Variants in NELFCD observed in about 807,000 individuals in gnomAD.
The protein encoded by NELFCD is negative elongation factor complex member C/D.
NELFCD carries 48 observed loss-of-function variants against 72.9 expected under a neutral mutation model. The ratio of observed to expected loss-of-function variants is 0.66; its 90% confidence interval spans 0.52 to 0.84. The LOEUF (loss-of-function observed/expected upper bound fraction) is 0.84, where lower values mean the gene tolerates loss of function less well. NELFCD is among the 40% of genes least tolerant of loss of function. The probability of loss-of-function intolerance (pLI) is 0.00; values close to 1 mark genes in which losing one functional copy is unlikely to be tolerated. For synonymous variants in NELFCD, 297 were observed against 280.6 expected, an observed-to-expected ratio of 1.06 and a Z score of -0.59; for missense variants, 538 against 723.8, an observed-to-expected ratio of 0.74 and a Z score of 2.94.
intron 1 of NELFCD, among the ~76,000 whole-genome samples, chr20:58,981,602 T>G (rs961660605): frequency 6.7e-6 from 1 of 149,814 alleles, no homozygotes; most frequent in African/African-American, 2.4e-5. Context: ...TGCAGGACCT[T>G]GGGGTGGGGG....
At position 58,986,164 on chromosome 20, in the gene NELFCD, C is replaced by T. The variant is rs1315337046; in HGVS notation, c.132C>T (p.Thr44=). The T allele has an allele frequency of 6.2e-7, 1 of 1,613,776 alleles. No homozygotes were observed. Among genetic ancestry groups the T allele is most frequent in the South Asian group, 1.1e-5 (1 of 91,064 alleles). Residue 44 remains threonine (T), a synonymous_variant, in exon 2 of 15, where the codon ACC becomes ACT. Transcript: ENST00000652272. This position sits in a 1 kb window ranked among gnomAD's most constrained non-coding sequence, Gnocchi z 4.4. ...VQQECLHKFS[T]RDYIMEPSIF... is the part of the protein sequence containing the mutation. Reference sequence around the variant, plus strand: ...AAGAATGCCTGCATAAATTTTCCACCCGGGATTATATCATGGAACCCTCCA... The same window carrying T: ...AAGAATGCCTGCATAAATTTTCCACTCGGGATTATATCATGGAACCCTCCA...
chr20:58,992,515 A>C (rs942497786), intron 10 of NELFCD, among the ~76,000 whole-genome samples: 1 of 152,210 alleles, frequency 6.6e-6, no homozygotes, highest in Non-Finnish European at 1.5e-5. Context: ...TCCTTTCGAT[A>C]AGTGGTTTAA....
At chr20:58,990,286 G>A in intron 7 of NELFCD, 1 of 318,274 alleles carries the variant, frequency 3.1e-6, no homozygotes, top group Non-Finnish European at 6.0e-6. Flanking sequence ...TGTAATCCCA[G>A]CTACTTGGGA....
rs1418454087 is a variant in NELFCD at position 58,994,999 on chromosome 20, G to A, written c.*323G>A. ...CGCGGGCCGCTGGGAACTCCACTCG[G>A]GGAACTCCTTTCCAAGCTGACCTCA... On this transcript the variant is annotated 3_prime_UTR_variant, in exon 15 of 15. Coordinates refer to ENST00000652272, the MANE Select transcript of NELFCD (RefSeq NM_198976.4). The A allele has an allele frequency of 3.5e-6, 1 of 284,628 alleles. No homozygotes were observed. The highest frequency in any genetic ancestry group is 6.5e-6 in the Non-Finnish European group (1 of 153,290). 17.6% of individuals were successfully genotyped at this position (284,628 alleles called of 1,614,324 possible).
rs564773715 is a variant in NELFCD at position 58,990,305 on chromosome 20, C to T, written c.788+317C>T. 45 of 281,242 alleles carry T rather than the reference C, an allele frequency of 1.6e-4. No individual in the cohort carries two copies. In the South Asian group the frequency reaches 2.3e-3, roughly 14 times the overall value. The allele number at this position is 281,242 out of a possible 1,614,324, so 17.4% of individuals were successfully genotyped here. Reference sequence around the variant, plus strand: ...ATCCCAGCTACTTGGGAGGCTGAGGCAGGAGAATCGCTTGAACCTGGGAGG... The same window carrying T: ...ATCCCAGCTACTTGGGAGGCTGAGGTAGGAGAATCGCTTGAACCTGGGAGG... On this transcript the variant is annotated intron_variant, in intron 7 of 14. Transcript: ENST00000652272.
intron 1 of NELFCD, 90 bp downstream of exon 1, chr20:58,981,459 C>T (rs1210763260): frequency 3.8e-5 from 19 of 501,044 alleles, no homozygotes; most frequent in Non-Finnish European, 5.0e-5. Flanking sequence ...CCGCGCGGCG[C>T]GAGGCTGCGG....
At chr20:58,987,842 A>G in intron 4 of NELFCD, 25 bp downstream of exon 4, 1 of 1,569,800 alleles carries the variant, frequency 6.4e-7, no homozygotes, top group South Asian at 1.1e-5. Context: ...TTCTTTGCCT[A>G]GTACCAGGCC....
Position 58,986,583 on chromosome 20 carries a change from T to A in NELFCD, c.177-171T>A. 6 of 652,412 alleles carry A rather than the reference T, an allele frequency of 9.2e-6. No individual in the cohort carries two copies. Among genetic ancestry groups the A allele is most frequent in the Non-Finnish European group, 1.4e-5 (5 of 367,718 alleles). 40.4% of individuals were successfully genotyped at this position (652,412 alleles called of 1,614,324 possible). Reference sequence around the variant, plus strand: ...CTCTTGAACTCCTAGGCTCAAGTGATTCTCCCACCTCTGCCTCCCAAAGTG... The same window carrying A: ...CTCTTGAACTCCTAGGCTCAAGTGAATCTCCCACCTCTGCCTCCCAAAGTG... On this transcript the variant is annotated intron_variant, in intron 2 of 14. Transcript: ENST00000652272. The surrounding 1 kb of genome is among the most constrained non-coding windows in gnomAD (Gnocchi z 4.4).
Position 58,988,972 on chromosome 20 carries a change from A to G in NELFCD, c.455A>G (p.Lys152Arg), listed in dbSNP as rs753608073. The change falls in exon 5 of 15, where the codon AAA becomes AGA. Residue 152 changes from lysine to arginine, a missense_variant. Physicochemically the swap from Lys to Arg is conservative, Grantham distance 26 (BLOSUM62 2). Coordinates refer to ENST00000652272, the MANE Select transcript of NELFCD (RefSeq NM_198976.4). ...AHTTWRDLFY[K>R]LAEAHPDCLM... ...ACCACGTGGCGGGACCTTTTTTATA[A>G]ACTGGCTGAAGCCCATCCAGACTGT... The G allele has an allele frequency of 6.2e-7, 1 of 1,614,138 alleles. No homozygotes were observed. The highest frequency in any genetic ancestry group is 8.5e-7 in the Non-Finnish European group (1 of 1,179,992).
At chr20:58,992,895 G>T in intron 10 of NELFCD, 103 bp from the exon 11 acceptor site, 9 of 736,054 alleles carry the variant, frequency 1.2e-5, no homozygotes, top group Non-Finnish European at 2.1e-5. Context: ...AAGGGTGAAT[G>T]ATGGAGTCAT....
Position 58,993,959 on chromosome 20 carries a change from C to A in NELFCD, c.1582-151C>A. ...ATGACACACTTTACCTCCATTACCA[C>A]CCTGGGCATCTGAATGTTGGAGATG... On this transcript the variant is annotated intron_variant, in intron 13 of 14. Transcript: ENST00000652272. This position sits in a 1 kb window ranked among gnomAD's most constrained non-coding sequence, Gnocchi z 5.0. 8.9e-7 allele frequency: 1 copy of A among 1,123,352 alleles called. No individual in the cohort carries two copies. Among genetic ancestry groups the A allele is most frequent in the Non-Finnish European group, 1.3e-6 (1 of 773,904 alleles). The allele number at this position is 1,123,352 out of a possible 1,614,324, so 69.6% of individuals were successfully genotyped here.
At chr20:58,987,657 C>T in intron 3 of NELFCD, 51 bp from the exon 4 acceptor site, 3 of 1,462,486 alleles carry the variant, frequency 2.1e-6, no homozygotes, top group Non-Finnish European at 2.9e-6. Flanking sequence ...TCTAAAGCCA[C>T]ACAGTGAATG....
Position 58,993,355 on chromosome 20 carries a change from G to GAT in NELFCD, c.1345-92_1345-91dup. On this transcript the variant is annotated intron_variant, in intron 11 of 14. Coordinates refer to ENST00000652272, the MANE Select transcript of NELFCD (RefSeq NM_198976.4). The surrounding 1 kb of genome is among the most constrained non-coding windows in gnomAD (Gnocchi z 5.0). ...AGGTGTCAGGACCTTCTTCCACAGT[G>GAT]ATAAGCTCTTTGGTGGCTGTGACAG... The GAT allele has an allele frequency of 8.0e-7, 1 of 1,246,118 alleles. No homozygotes were observed. Among genetic ancestry groups the GAT allele is most frequent in the Non-Finnish European group, 1.1e-6 (1 of 876,314 alleles). 77.2% of individuals were successfully genotyped at this position (1,246,118 alleles called of 1,614,324 possible).
chr20:58,993,216 C>T lies in NELFCD; in HGVS notation c.1344+104C>T. ...TTCAGTGAGTTTAGAGGATACTCTT[C>T]TCAAAAATAGTTATTTCTGTCCTGA... is the stretch of plus-strand genomic sequence containing the variant. On this transcript the variant is annotated intron_variant, in intron 11 of 14. Transcript: ENST00000652272. The surrounding 1 kb of genome is among the most constrained non-coding windows in gnomAD (Gnocchi z 5.0). The T allele has an allele frequency of 1.1e-6, 1 of 951,536 alleles. No individual in the cohort carries two copies. Among genetic ancestry groups the T allele is most frequent in the Admixed American group, 2.2e-5 (1 of 45,762 alleles). The allele number at this position is 951,536 out of a possible 1,614,324, so 58.9% of individuals were successfully genotyped here. A position where few individuals can be genotyped will look rare whatever the true frequency, so the allele number is the denominator to read the frequency against.
At chr20:58,992,724 C>T (rs2091826206) in intron 10 of NELFCD, among the ~76,000 whole-genome samples, 2 of 151,894 alleles carry the variant, frequency 1.3e-5, no homozygotes, top group Non-Finnish European at 2.9e-5. Flanking sequence ...GGTGGACCCT[C>T]TCTCTACAAA....
At chr20:58,994,525 G>A (rs1453134113) in intron 14 of NELFCD, 117 bp from the exon 15 acceptor site, 19 of 861,206 alleles carry the variant, frequency 2.2e-5, no homozygotes, top group Non-Finnish European at 2.4e-5. Flanking sequence ...TCGCGCCATT[G>A]CACTCTATCC....
chr20:58,988,084 A>C, intron 4 of NELFCD: 2 of 444,486 alleles, frequency 4.5e-6, no homozygotes, highest in Non-Finnish European at 8.1e-6. Context: ...GGCTGACTCC[A>C]GGGCACAGCC....
In NELFCD at chr20:58,994,644, C is replaced by T; in HGVS notation, c.1714C>T (p.His572Tyr). Reference protein sequence around the residue: ...EHDPVTEFIAHCKSNFIMVN With the variant: ...EHDPVTEFIAYCKSNFIMVN ...AGTCACTGTTTTCCTCGTTAAAGCT[C>T]ACTGCAAATCTAACTTCATCATGGT... Residue 572 changes from histidine (H) to tyrosine (Y), a missense_variant and splice_region_variant, in exon 15 of 15, where the codon CAC becomes TAC. Coordinates refer to ENST00000652272, the MANE Select transcript of NELFCD (RefSeq NM_198976.4). 3 of 1,608,848 alleles carry T rather than the reference C, an allele frequency of 1.9e-6. No homozygotes were observed. Among genetic ancestry groups the T allele is most frequent in the Non-Finnish European group, 2.6e-6 (3 of 1,175,528 alleles).
intron 14 of NELFCD, 53 bp downstream of exon 14, chr20:58,994,292 G>C: frequency 6.3e-7 from 1 of 1,585,504 alleles, no homozygotes; most frequent in South Asian, 1.1e-5. Context: ...AGCTGGGCGC[G>C]GTGGCTCATG....
Sources: gnomAD v4.1 joint callset for allele counts (sites outside exome capture counted in the v4.1 genomes callset) on GRCh38, gnomAD v4.1.1 for gene constraint, Gnocchi (gnomAD v3.1) non-coding constraint, MANE v1.5 for transcripts, NCBI Gene and HGNC (gene_info 2026-07-23, HGNC 2026-07-21) for gene names.